KAT6B: variants seen among roughly 807,000 people sequenced by gnomAD.
KAT6B encodes the protein histone acetyltransferase KAT6B.
In KAT6B, 10 loss-of-function variants were observed where a neutral mutation model predicts 187.5. The observed-to-expected ratio is 0.05, with a 90% CI of 0.03 to 0.09. The LOEUF is 0.09. Ranked by LOEUF, KAT6B falls within the 10% of genes least tolerant of loss-of-function variation. KAT6B has a pLI of 1.00. For missense variants in KAT6B, 1,952 were observed against 2,558.9 expected, an observed-to-expected ratio of 0.76 and a Z score of 5.12; for synonymous variants, 861 against 926.8, an observed-to-expected ratio of 0.93 and a Z score of 1.29.
At chr10:74,902,542 A>G (rs1846474784) in intron 3 of KAT6B, among the ~76,000 whole-genome samples, 2 of 152,340 alleles carry the variant, frequency 1.3e-5, no homozygotes, top group South Asian at 2.1e-4. Context: ...CTGTAAACCG[A>G]CTATTCAAAT....
chr10:75,005,256 T>G (rs1196403194), intron 13 of KAT6B, among the ~76,000 whole-genome samples: 1 of 151,004 alleles, frequency 6.6e-6, no homozygotes, highest in Non-Finnish European at 1.5e-5. Flanking sequence ...CTTGCTCTGT[T>G]GCCCAGGCTG....
intron 13 of KAT6B, among the ~76,000 whole-genome samples, chr10:75,001,954 G>C (rs1843864265): frequency 6.6e-6 from 1 of 152,168 alleles, no homozygotes; most frequent in Non-Finnish European, 1.5e-5. Context: ...CTCAGGAGCT[G>C]CATCCCAGCC....
intron 3 of KAT6B, among the ~76,000 whole-genome samples, chr10:74,867,775 C>T (rs1021774172): frequency 2.0e-5 from 3 of 152,142 alleles, no homozygotes; most frequent in Admixed American, 6.6e-5. Context: ...TGAGCAGCTG[C>T]TCCATGTGGC....
chr10:74,977,956 T>C (rs1842267681), intron 9 of KAT6B, among the ~76,000 whole-genome samples: 1 of 152,250 alleles, frequency 6.6e-6, no homozygotes, highest in African/African-American at 2.4e-5. Flanking sequence ...GATTCCACTT[T>C]AATTCTGCTT....
At chr10:74,932,030 G>A (rs888088425) in intron 3 of KAT6B, among the ~76,000 whole-genome samples, 2 of 152,124 alleles carry the variant, frequency 1.3e-5, no homozygotes, top group African/African-American at 4.8e-5. Flanking sequence ...GTTCTTGAAT[G>A]TATATGTGTG....
intron 3 of KAT6B, among the ~76,000 whole-genome samples, chr10:74,883,066 C>T (rs1425964757): frequency 6.6e-6 from 1 of 152,014 alleles, no homozygotes; most frequent in Non-Finnish European, 1.5e-5. Context: ...ATTGAGTTCC[C>T]GAAAGTTTAT....
At chr10:74,923,307 G>A (rs1848273100) in intron 3 of KAT6B, among the ~76,000 whole-genome samples, 1 of 152,102 alleles carries the variant, frequency 6.6e-6, no homozygotes, top group African/African-American at 2.4e-5. Flanking sequence ...TGAGCACCTG[G>A]TGTATGTCAG....
intron 1 of KAT6B, among the ~76,000 whole-genome samples, chr10:74,835,314 T>A (rs1161737533): frequency 6.6e-6 from 1 of 152,184 alleles, no homozygotes; most frequent in Non-Finnish European, 1.5e-5. Context: ...TGTTCATCCA[T>A]CCTCCACGTG....
At chr10:74,826,225 C>T (rs1840205604), upstream of KAT6B, among the ~76,000 whole-genome samples, 1 of 151,360 alleles carries the variant, frequency 6.6e-6, no homozygotes, top group Non-Finnish European at 1.5e-5. Context: ...TGCGAGTAGA[C>T]CCAATCCTTT....
chr10:74,978,389 T>G (rs996841689), intron 9 of KAT6B, among the ~76,000 whole-genome samples: 2 of 152,234 alleles, frequency 1.3e-5, no homozygotes, highest in Admixed American at 1.3e-4. Context: ...GTAGTGGGAT[T>G]GTGCCCTTGA....
rs571323963 is a variant in KAT6B at position 74,951,972 on chromosome 10, T to A, written c.622-7998T>A. 5.9e-5 allele frequency among the ~76,000 whole-genome samples: 9 copies of A among 152,312 alleles called. No homozygotes were observed. In the South Asian group the frequency reaches 1.7e-3, roughly 28 times the overall value. ...CAGCAATGAACAGTCTCTGCCATCA[T>A]GATGGAACTTATGGTTTAGTAAGGG... On this transcript the variant is annotated intron_variant, in intron 3 of 17. Transcript: ENST00000287239.
intron 3 of KAT6B, among the ~76,000 whole-genome samples, chr10:74,914,592 G>T (rs899382460): frequency 2.0e-5 from 3 of 152,174 alleles, no homozygotes; most frequent in African/African-American, 7.2e-5. Flanking sequence ...ACTTTTTCAA[G>T]CAACTGGCTC....
At chr10:74,882,457 T>C (rs1217190274) in intron 3 of KAT6B, among the ~76,000 whole-genome samples, 3 of 152,250 alleles carry the variant, frequency 2.0e-5, no homozygotes, top group African/African-American at 7.2e-5. Flanking sequence ...TTTGGACATA[T>C]TCTCTTATTA....
chr10:74,968,031 A>G (rs1841594214), intron 4 of KAT6B, among the ~76,000 whole-genome samples: 3 of 152,170 alleles, frequency 2.0e-5, no homozygotes, highest in African/African-American at 7.2e-5. Context: ...ATCCATTTTA[A>G]GGGTGGAATT....
At chr10:74,991,168 A>G (rs984779705) in intron 13 of KAT6B, among the ~76,000 whole-genome samples, 49 of 152,156 alleles carry the variant, frequency 3.2e-4, no homozygotes, top group African/African-American at 1.1e-3. Flanking sequence ...TTTTATGATA[A>G]TTATTGATGG....
chr10:74,926,130 A>C (rs1460249132), intron 3 of KAT6B, among the ~76,000 whole-genome samples: 1 of 152,260 alleles, frequency 6.6e-6, no homozygotes, highest in Non-Finnish European at 1.5e-5. Context: ...ACTAGTCAAA[A>C]ATGGGATATG....
At chr10:74,933,447 C>T (rs751917796) in intron 3 of KAT6B, among the ~76,000 whole-genome samples, 4 of 152,158 alleles carry the variant, frequency 2.6e-5, no homozygotes, top group Non-Finnish European at 5.9e-5. Flanking sequence ...AATTCATGAG[C>T]CCCAACTGCA....
chr10:74,876,790 G>A (rs1307055518), intron 3 of KAT6B, among the ~76,000 whole-genome samples: 5 of 151,888 alleles, frequency 3.3e-5, no homozygotes, highest in African/African-American at 9.7e-5. Flanking sequence ...GCGCATGCGT[G>A]TAGTCTCAGC....
At chr10:74,962,543 T>C (rs923888924) in intron 4 of KAT6B, among the ~76,000 whole-genome samples, 7 of 152,162 alleles carry the variant, frequency 4.6e-5, no homozygotes, top group Admixed American at 3.3e-4. Context: ...GATCCCAAAA[T>C]GTAAGTTGTT....
Sources: allele counts gnomAD v4.1 joint callset (sites outside exome capture counted in the v4.1 genomes callset), GRCh38; gene constraint gnomAD v4.1.1; transcripts MANE v1.5; gene names NCBI Gene and HGNC (gene_info 2026-07-23, HGNC 2026-07-21).